Variants in KLHL29 observed in about 807,000 individuals in gnomAD.
KLHL29 encodes the protein kelch like family member 29, also known as kelch-like protein 29.
A neutral mutation model predicts 80.4 loss-of-function variants in KLHL29; 21 were observed. The ratio of observed to expected loss-of-function variants is 0.26; its 90% CI spans 0.19 to 0.38. KLHL29 has a LOEUF of 0.38. KLHL29 is among the 10% of genes least tolerant of loss of function. The pLI, the probability that KLHL29 is intolerant of heterozygous loss-of-function variation, is 1.00. For missense variants in KLHL29, 867 were observed against 1,223.9 expected (o/e 0.71, Z 4.35); for synonymous variants, 511 against 526.8 (o/e 0.97, Z 0.41).
At chr2:23,602,278 C>A (rs190132944) in intron 3 of KLHL29, among the ~76,000 whole-genome samples, 3 of 152,330 alleles carry the variant, frequency 2.0e-5, no homozygotes, top group African/African-American at 7.2e-5. Context: ...TCCGTCCCAG[C>A]ACCCCCCTGC....
At chr2:23,605,675 G>A (rs1668702314) in intron 3 of KLHL29, among the ~76,000 whole-genome samples, 1 of 152,158 alleles carries the variant, frequency 6.6e-6, no homozygotes. Flanking sequence ...AAAAGAAAGA[G>A]GAACTATAAT....
chr2:23,572,976 C>T (rs1667753644), intron 3 of KLHL29, among the ~76,000 whole-genome samples: 1 of 152,230 alleles, frequency 6.6e-6, no homozygotes, highest in Admixed American at 6.5e-5. Context: ...GCGTGAGCCA[C>T]CGCGCCCGGC....
At chr2:23,703,131 T>A (rs927008188) in intron 11 of KLHL29, 55 bp from the exon 12 acceptor site, 5 of 1,305,778 alleles carry the variant, frequency 3.8e-6, no homozygotes, top group Non-Finnish European at 4.0e-6. Flanking sequence ...GCTTGTGACC[T>A]CTGCCCCGCA....
chr2:23,435,893 C>G (rs1663326199), intron 1 of KLHL29, among the ~76,000 whole-genome samples: 1 of 149,284 alleles, frequency 6.7e-6, no homozygotes, highest in South Asian at 2.1e-4. Flanking sequence ...CTTTCTCTCT[C>G]TCTCTCTTTT....
chr2:23,550,506 C>A (rs1667096935), intron 2 of KLHL29, among the ~76,000 whole-genome samples: 1 of 152,302 alleles, frequency 6.6e-6, no homozygotes, highest in Middle Eastern at 3.4e-3. Flanking sequence ...ATGTTAATGT[C>A]CCCGGCCCTC....
At chr2:23,525,736 C>A (rs1229505319) in intron 2 of KLHL29, among the ~76,000 whole-genome samples, 1 of 26,908 alleles carries the variant, frequency 3.7e-5, no homozygotes, top group Admixed American at 3.0e-4. Flanking sequence ...GCCCCCCCCC[C>A]CCACCCGAGG....
intron 5 of KLHL29, among the ~76,000 whole-genome samples, chr2:23,664,561 A>G (rs1470535527): frequency 6.6e-6 from 1 of 152,228 alleles, no homozygotes; most frequent in Non-Finnish European, 1.5e-5. Flanking sequence ...ACCCAGGGCC[A>G]GGAGGCGGGG....
rs574625384 is a variant in KLHL29 at position 23,472,125 on chromosome 2, C to T, written c.-153-3435C>T. Among the ~76,000 whole-genome samples, 5 of 6,188 alleles carry T rather than the reference C, an allele frequency of 8.1e-4. No homozygotes were observed. In the South Asian group the frequency reaches 0.019, roughly 24 times the overall value. 4.1% of individuals were successfully genotyped at this position (6,188 alleles called of 152,430 possible). A position where few individuals can be genotyped will look rare whatever the true frequency, so the allele number is the denominator to read the frequency against. ...TTAAGCCCAGGGTCTAACTGCAAGG[C>T]GTGGGGGTTGGGTGGGTGGGAAAAG... On this transcript the variant is annotated intron_variant, in intron 1 of 13. Transcript: ENST00000486442.
intron 3 of KLHL29, among the ~76,000 whole-genome samples, chr2:23,618,247 A>G (rs1455390052): frequency 1.3e-5 from 2 of 152,144 alleles, no homozygotes; most frequent in Non-Finnish European, 2.9e-5. Flanking sequence ...GCCAGAGCCA[A>G]TGTCTTTGTA....
intron 3 of KLHL29, among the ~76,000 whole-genome samples, chr2:23,637,735 G>A (rs1039626081): frequency 3.3e-5 from 5 of 152,022 alleles, no homozygotes; most frequent in African/African-American, 7.3e-5. Context: ...CAGAACCCAG[G>A]AGAGCCACTC....
chr2:23,614,621 C>T (rs928413117), intron 3 of KLHL29, among the ~76,000 whole-genome samples: 4 of 152,078 alleles, frequency 2.6e-5, no homozygotes, highest in African/African-American at 9.7e-5. Flanking sequence ...TTCAGAATCA[C>T]ACACATAATA....
chr2:23,637,959 T>A (rs1669661914), intron 3 of KLHL29, among the ~76,000 whole-genome samples: 1 of 151,992 alleles, frequency 6.6e-6, no homozygotes, highest in Non-Finnish European at 1.5e-5. Flanking sequence ...TCCTGGGAGC[T>A]GTGCTGACTC....
intron 11 of KLHL29, chr2:23,697,387 A>AG (rs1380727796): frequency 1.3e-5 from 2 of 152,236 alleles, no homozygotes; most frequent in Non-Finnish European, 2.9e-5. Flanking sequence ...TAGTGCCTGG[A>AG]GGGTAACCCG....
intron 1 of KLHL29, among the ~76,000 whole-genome samples, chr2:23,434,096 C>T (rs540829983): frequency 5.9e-5 from 9 of 151,884 alleles, no homozygotes; most frequent in East Asian, 5.8e-4. Context: ...CCGAGACGGG[C>T]GGATCACGAG....
chr2:23,582,896 T>C (rs758302005), intron 3 of KLHL29, among the ~76,000 whole-genome samples: 1 of 152,178 alleles, frequency 6.6e-6, no homozygotes, highest in Non-Finnish European at 1.5e-5. Flanking sequence ...ATAGGGTCTT[T>C]GCAGAGGTAA....
At chr2:23,480,261 C>CG (rs1664752651) in intron 2 of KLHL29, among the ~76,000 whole-genome samples, 1 of 152,140 alleles carries the variant, frequency 6.6e-6, no homozygotes. Context: ...CCGAGGTGGG[C>CG]GGATCACTTG....
At chr2:23,594,552 C>T (rs537292561) in intron 3 of KLHL29, among the ~76,000 whole-genome samples, 1 of 152,196 alleles carries the variant, frequency 6.6e-6, no homozygotes, top group African/African-American at 2.4e-5. Context: ...TCTCTCCTGC[C>T]GTTTTCTCTG....
chr2:23,387,653 A>G (rs1021482231), intron 1 of KLHL29, among the ~76,000 whole-genome samples: 1 of 152,130 alleles, frequency 6.6e-6, no homozygotes, highest in African/African-American at 2.4e-5. Context: ...AGTAAGCACT[A>G]GTGAATACTT....
intron 2 of KLHL29, among the ~76,000 whole-genome samples, chr2:23,480,554 T>C (rs149783249): frequency 9.2e-5 from 14 of 152,304 alleles, no homozygotes; most frequent in African/African-American, 2.9e-4. Context: ...ATTGCTGTCA[T>C]GAGGATATCA....
Sources: allele counts gnomAD v4.1 joint callset (sites outside exome capture counted in the v4.1 genomes callset), GRCh38; gene constraint gnomAD v4.1.1; transcripts MANE v1.5; gene names NCBI Gene and HGNC (gene_info 2026-07-23, HGNC 2026-07-21).